PPP4R4: variants seen among roughly 807,000 people sequenced by gnomAD.
PPP4R4 encodes the protein protein phosphatase 4 regulatory subunit 4, also known as serine/threonine-protein phosphatase 4 regulatory subunit 4.
In PPP4R4, 70 loss-of-function variants were observed where a neutral mutation model predicts 121.8. The observed-to-expected ratio is 0.57, with a 90% CI of 0.47 to 0.70. The LOEUF (loss-of-function observed/expected upper bound fraction) is 0.70, where lower values mean the gene tolerates loss of function less well. Among genes scored for constraint, PPP4R4 ranks in the 30% least tolerant of loss-of-function variants. The probability of loss-of-function intolerance (pLI) is 0.00; values close to 1 mark genes in which losing one functional copy is unlikely to be tolerated. For missense variants in PPP4R4, 875 were observed against 1,033.6 expected (o/e 0.85, Z 2.10); for synonymous variants, 348 against 355.7 (o/e 0.98, Z 0.24).
intron 19 of PPP4R4, among the ~76,000 whole-genome samples, chr14:94,264,631 A>G (rs559689034): frequency 6.6e-6 from 1 of 152,312 alleles, no homozygotes; most frequent in South Asian, 2.1e-4. Flanking sequence ...AATGAAGGGT[A>G]ATTATTACAA....
intron 5 of PPP4R4, among the ~76,000 whole-genome samples, chr14:94,232,098 A>C (rs1892069977): frequency 6.6e-6 from 1 of 152,100 alleles, no homozygotes. Flanking sequence ...TATTCCCAGC[A>C]TGTTGTTTGC....
intron 19 of PPP4R4, 125 bp from the exon 20 acceptor site, chr14:94,264,753 A>G: frequency 1.4e-6 from 1 of 737,086 alleles, no homozygotes; most frequent in Non-Finnish European, 2.3e-6. Context: ...CTAACATTGG[A>G]AAAAAATACT....
intron 3 of PPP4R4, among the ~76,000 whole-genome samples, chr14:94,217,909 G>C (rs1421010990): frequency 6.6e-6 from 1 of 152,138 alleles, no homozygotes; most frequent in African/African-American, 2.4e-5. Flanking sequence ...CAGGAGAATC[G>C]CTTGAACCCG....
chr14:94,185,315 G>A (rs1438639797), intron 2 of PPP4R4, among the ~76,000 whole-genome samples: 9 of 152,114 alleles, frequency 5.9e-5, no homozygotes, highest in Admixed American at 5.9e-4. Context: ...AGACTAGCCT[G>A]GGCAATATAG....
chr14:94,217,412 A>G (rs1002239270), intron 3 of PPP4R4, among the ~76,000 whole-genome samples: 1 of 152,198 alleles, frequency 6.6e-6, no homozygotes, highest in Non-Finnish European at 1.5e-5. Context: ...AGCCTAGCAG[A>G]GGTGGAATGT....
intron 2 of PPP4R4, among the ~76,000 whole-genome samples, chr14:94,179,183 A>C (rs1287678657): frequency 6.6e-6 from 1 of 152,174 alleles, no homozygotes; most frequent in Non-Finnish European, 1.5e-5. Context: ...GAACATTTCC[A>C]TCACCCCCAA....
Position 94,174,459 on chromosome 14 carries a change from G to A in PPP4R4, c.-7G>A, listed in dbSNP as rs201962981. On this transcript the variant is annotated 5_prime_UTR_variant, in exon 1 of 25. Coordinates refer to ENST00000304338, the MANE Select transcript of PPP4R4 (RefSeq NM_058237.2). ...CCGGCCCGGGCGGCGAGAGTGCCCG[G>A]CGGTCCATGCATCCGCCGCCGCCCG... The A allele has an allele frequency of 8.4e-4, 1,329 of 1,591,206 alleles. 1 individual carries two copies. The highest frequency in any genetic ancestry group is 1.0e-3 in the Non-Finnish European group (1,224 of 1,170,540).
chr14:94,254,948 A>G (rs1218161294), intron 16 of PPP4R4, among the ~76,000 whole-genome samples: 1 of 151,896 alleles, frequency 6.6e-6, no homozygotes, highest in Non-Finnish European at 1.5e-5. Context: ...AGGTCCTTTT[A>G]TCCTTTTCTT....
intron 3 of PPP4R4, among the ~76,000 whole-genome samples, chr14:94,209,965 T>G (rs1317187646): frequency 6.6e-6 from 1 of 152,194 alleles, no homozygotes; most frequent in East Asian, 1.9e-4. Context: ...AAAATTCCTT[T>G]TGTTGAGTTC....
At chr14:94,249,801 T>C (rs1269723822) in intron 14 of PPP4R4, among the ~76,000 whole-genome samples, 1 of 152,042 alleles carries the variant, frequency 6.6e-6, no homozygotes, top group Admixed American at 6.5e-5. Flanking sequence ...TTTGGTGATG[T>C]ACCTGACACA....
chr14:94,278,712 A>C lies in PPP4R4; in HGVS notation c.*69A>C, dbSNP rs372931874. 4 of 1,419,948 alleles carry C rather than the reference A, an allele frequency of 2.8e-6. No individual in the cohort carries two copies. Among genetic ancestry groups the C allele is most frequent in the Non-Finnish European group, 3.8e-6 (4 of 1,064,912 alleles). The allele number at this position is 1,419,948 out of a possible 1,614,324, so 88.0% of individuals were successfully genotyped here. On this transcript the variant is annotated 3_prime_UTR_variant, in exon 25 of 25. Coordinates refer to ENST00000304338, the MANE Select transcript of PPP4R4 (RefSeq NM_058237.2). ...TAATGTGATTGGTACACAAAAGCTAAAGCAGTGGCTGGGGCTTTGTTTTTA... is the reference window on the plus strand; with the variant it reads ...TAATGTGATTGGTACACAAAAGCTACAGCAGTGGCTGGGGCTTTGTTTTTA...
At chr14:94,240,860 A>G (rs1035008761) in intron 9 of PPP4R4, 65 bp downstream of exon 9, 8 of 1,413,510 alleles carry the variant, frequency 5.7e-6, no homozygotes, top group Middle Eastern at 2.7e-4. Flanking sequence ...TACCTCAGTC[A>G]TTAAACTTTG....
intron 3 of PPP4R4, among the ~76,000 whole-genome samples, chr14:94,217,121 C>T (rs760021931): frequency 1.3e-5 from 2 of 152,184 alleles, no homozygotes; most frequent in Non-Finnish European, 2.9e-5. Context: ...TGAGAATACT[C>T]TACATCCACC....
rs561426946 is a variant in PPP4R4 at position 94,242,366 on chromosome 14, T to C, written c.1224T>C (p.Pro408=). The C allele has an allele frequency of 1.9e-6, 3 of 1,610,734 alleles. No homozygotes were observed. In the African/African-American group the frequency reaches 4.0e-5, roughly 21 times the overall value. ...YSTFFCLCHD[P]EVPVRYTIAI... The stretch of plus-strand genomic sequence containing the variant: ...CATTCTTCTGCCTTTGCCATGACCC[T>C]GAAGTACCAGTCAGATACACTATTG... Residue 408 remains proline, a synonymous_variant, in exon 11 of 25, where the codon CCT becomes CCC. Transcript: ENST00000304338.
chr14:94,231,557 A>G (rs1452665213), intron 5 of PPP4R4, among the ~76,000 whole-genome samples: 1 of 152,048 alleles, frequency 6.6e-6, no homozygotes, highest in African/African-American at 2.4e-5. Context: ...TTTCCTATAT[A>G]TGGTTGCTGC....
chr14:94,246,304 AC>A, intron 13 of PPP4R4, 52 bp from the exon 14 acceptor site: 2 of 1,483,960 alleles, frequency 1.3e-6, no homozygotes, highest in Non-Finnish European at 1.8e-6. Flanking sequence ...GAGTAATTTT[AC>A]TGAGTGCTGC....
At chr14:94,213,477 C>T (rs1018758334) in intron 3 of PPP4R4, among the ~76,000 whole-genome samples, 3 of 152,094 alleles carry the variant, frequency 2.0e-5, no homozygotes, top group Admixed American at 6.5e-5. Context: ...GATATTGGGC[C>T]CTAATCCCTA....
chr14:94,205,279 T>C (rs1329221942), intron 2 of PPP4R4, among the ~76,000 whole-genome samples: 1 of 152,088 alleles, frequency 6.6e-6, no homozygotes, highest in African/African-American at 2.4e-5. Context: ...TGTGACTATG[T>C]TTATCAAAGA....
intron 3 of PPP4R4, among the ~76,000 whole-genome samples, chr14:94,225,110 C>A (rs1412041070): frequency 2.0e-5 from 3 of 151,974 alleles, no homozygotes; most frequent in Non-Finnish European, 4.4e-5. Context: ...TAATCTCATT[C>A]TAAGATTAAA....
Sources: allele counts gnomAD v4.1 joint callset (sites outside exome capture counted in the v4.1 genomes callset), GRCh38; gene constraint gnomAD v4.1.1; transcripts MANE v1.5; gene names NCBI Gene and HGNC (gene_info 2026-07-23, HGNC 2026-07-21).